The following KAZN variants were observed in gnomAD, a reference collection of about 807,000 sequenced individuals.
KAZN encodes the protein kazrin, periplakin interacting protein, also known as kazrin.
Under a neutral mutation model 87.4 loss-of-function variants are expected in KAZN, and 40 were observed. The ratio of observed to expected loss-of-function variants is 0.46; its 90% CI spans 0.36 to 0.60. KAZN has a LOEUF of 0.60. Among genes scored for constraint, KAZN ranks in the 20% least tolerant of loss-of-function variants. The pLI, the probability that KAZN is intolerant of heterozygous loss-of-function variation, is 0.00. For synonymous variants in KAZN, 466 were observed against 458.3 expected (o/e 1.02, Z -0.22); for missense variants, 898 against 1,073.9 (o/e 0.84, Z 2.29).
Position 14,268,311 on chromosome 1 carries a change from A to G in KAZN, c.249+87719A>G, listed in dbSNP as rs565807979. Among the ~76,000 whole-genome samples, 23 of 152,360 alleles carry G rather than the reference A, an allele frequency of 1.5e-4. 1 individual carries two copies. The South Asian group carries it at 4.8e-3, about 32-fold the overall frequency. ...TTCATGATATTCCAAGGCCCGTTGC[A>G]GTGCCTAGCACATAGGGCCGACTCA... is the stretch of plus-strand genomic sequence containing the variant. On this transcript the variant is annotated intron_variant, in intron 2 of 16. Transcript: ENST00000636203.
intron 2 of KAZN, among the ~76,000 whole-genome samples, chr1:14,974,367 A>G (rs1231665436): frequency 6.6e-6 from 1 of 152,194 alleles, no homozygotes; most frequent in African/African-American, 2.4e-5. Context: ...GCAAACAAAC[A>G]ATATAGCAAA....
intron 2 of KAZN, among the ~76,000 whole-genome samples, chr1:14,433,012 G>GCA (rs371544308): frequency 0.076 from 11,453 of 151,362 alleles, 643 homozygotes; most frequent in South Asian, 0.12. Context: ...AGGTGGTTGT[G>GCA]CACACACACA....
chr1:14,627,320 A>T (rs550861098), intron 1 of KAZN, among the ~76,000 whole-genome samples: 5 of 152,090 alleles, frequency 3.3e-5, no homozygotes, highest in African/African-American at 9.6e-5. Context: ...TGCTTGAGGG[A>T]TGCAAGGAGG....
chr1:14,610,638 T>C (rs1490062270), intron 1 of KAZN, among the ~76,000 whole-genome samples: 3 of 152,136 alleles, frequency 2.0e-5, no homozygotes, highest in Non-Finnish European at 4.4e-5. Flanking sequence ...AATGTCCTGT[T>C]TATTTCAGTG....
At chr1:14,300,522 C>T (rs928636160) in intron 2 of KAZN, among the ~76,000 whole-genome samples, 5 of 152,160 alleles carry the variant, frequency 3.3e-5, no homozygotes, top group African/African-American at 1.2e-4. Flanking sequence ...AGGCATGAGC[C>T]ACTGTGCTCA....
At chr1:14,007,564 A>G (rs1640090102) in intron 1 of KAZN, among the ~76,000 whole-genome samples, 2 of 152,306 alleles carry the variant, frequency 1.3e-5, no homozygotes, top group South Asian at 4.1e-4. Flanking sequence ...AACACTATCC[A>G]TGTCTGGCAC....
chr1:14,347,469 G>GTCCCCAGCC (rs904778667), intron 2 of KAZN, among the ~76,000 whole-genome samples: 5 of 152,094 alleles, frequency 3.3e-5, no homozygotes, highest in Admixed American at 6.5e-5. Context: ...ATCCACCCGG[G>GTCCCCAGCC]TCCCCAGCCT....
intron 1 of KAZN, among the ~76,000 whole-genome samples, chr1:14,054,210 G>C (rs774474452): frequency 6.6e-6 from 1 of 151,828 alleles, no homozygotes; most frequent in Admixed American, 6.6e-5. Context: ...TCAAACTTAT[G>C]TTGTTCTAAG....
intron 2 of KAZN, among the ~76,000 whole-genome samples, chr1:14,349,692 T>C (rs1658379461): frequency 6.6e-6 from 1 of 152,050 alleles, no homozygotes; most frequent in African/African-American, 2.4e-5. Flanking sequence ...ACAGTGAAAA[T>C]GAGCAAGGTA....
At chr1:14,861,869 TCTG>T (rs1156315115) in intron 1 of KAZN, among the ~76,000 whole-genome samples, 1 of 152,174 alleles carries the variant, frequency 6.6e-6, no homozygotes, top group Non-Finnish European at 1.5e-5. Context: ...AGAGAGCCGA[TCTG>T]AGCAGGGAAC....
chr1:14,034,245 A>G (rs901214085), intron 1 of KAZN, among the ~76,000 whole-genome samples: 16 of 152,314 alleles, frequency 1.1e-4, no homozygotes, highest in African/African-American at 3.8e-4. Flanking sequence ...ATCACAGCCA[A>G]TTTAGATGTA....
At chr1:15,013,707 T>G (rs1190836416) in intron 2 of KAZN, among the ~76,000 whole-genome samples, 1 of 149,828 alleles carries the variant, frequency 6.7e-6, no homozygotes, top group Non-Finnish European at 1.5e-5. Context: ...TGAGCTGAGA[T>G]CGCACCATTG....
intron 2 of KAZN, among the ~76,000 whole-genome samples, chr1:14,576,474 T>C (rs1234311384): frequency 6.6e-6 from 1 of 152,120 alleles, no homozygotes; most frequent in Non-Finnish European, 1.5e-5. Context: ...AATGGATGGA[T>C]GGATGGATGG....
chr1:14,888,872 G>A (rs1045060531), intron 1 of KAZN, among the ~76,000 whole-genome samples: 8 of 152,148 alleles, frequency 5.3e-5, no homozygotes, highest in Admixed American at 6.5e-5. Flanking sequence ...GACATTGCTG[G>A]AGTAAAGAGA....
intron 2 of KAZN, among the ~76,000 whole-genome samples, chr1:14,183,366 G>A (rs1183095966): frequency 6.6e-6 from 1 of 152,116 alleles, no homozygotes; most frequent in African/African-American, 2.4e-5. Flanking sequence ...CAGAAAGCCC[G>A]CAATTAGGTG....
chr1:14,707,271 G>C (rs1011514945), intron 1 of KAZN, among the ~76,000 whole-genome samples: 1 of 152,170 alleles, frequency 6.6e-6, no homozygotes, highest in African/African-American at 2.4e-5. Context: ...AACCAGGTGA[G>C]GATGCTGCAT....
chr1:14,597,221 A>G (rs1676568960), upstream of KAZN, among the ~76,000 whole-genome samples: 1 of 152,194 alleles, frequency 6.6e-6, no homozygotes, highest in Non-Finnish European at 1.5e-5. Flanking sequence ...CCCCGAACTG[A>G]CCCATTAGCT....
At chr1:14,991,237 C>T (rs1667328726) in intron 2 of KAZN, among the ~76,000 whole-genome samples, 1 of 151,928 alleles carries the variant, frequency 6.6e-6, no homozygotes, top group Non-Finnish European at 1.5e-5. Context: ...GCCTGTAATC[C>T]CAGATACTCG....
chr1:14,510,869 G>GA (rs1670864406), intron 2 of KAZN, among the ~76,000 whole-genome samples: 1 of 152,152 alleles, frequency 6.6e-6, no homozygotes, highest in Non-Finnish European at 1.5e-5. Flanking sequence ...AGGGAAATTG[G>GA]AAAATCAAGG....
Sources: allele counts gnomAD v4.1 joint callset (sites outside exome capture counted in the v4.1 genomes callset), GRCh38; gene constraint gnomAD v4.1.1; transcripts MANE v1.5; gene names NCBI Gene and HGNC (gene_info 2026-07-23, HGNC 2026-07-21).